Variants in PVALEF observed in about 807,000 individuals in gnomAD.
The protein encoded by PVALEF is parvalbumin like EF-hand containing, also known as parvalbumin-like EF-hand-containing protein.
In PVALEF, 2 loss-of-function variants were observed where a neutral mutation model predicts 1.2. The observed-to-expected ratio is 1.68, with a 90% CI of 0.69 to 5.28. The LOEUF (loss-of-function observed/expected upper bound fraction) is 5.28, where lower values mean the gene tolerates loss of function less well. PVALEF is among the 30% of genes most tolerant of loss of function. The pLI, the probability that PVALEF is intolerant of heterozygous loss-of-function variation, is 0.06. For synonymous variants in PVALEF, 16 were observed against 6.5 expected (o/e 2.47, Z -2.24); for missense variants, 35 against 17.7 (o/e 1.97, Z -1.75).
rs117471411 is a variant in PVALEF at position 81,173,697 on chromosome 17, G to A, written c.-339-5221G>A. ...AGTCTCCCATCAAAGAAAGGCCCAG[G>A]ACCTGATAGTTTCACTGGCGAATGC... On this transcript the variant is annotated intron_variant, in intron 2 of 6. Coordinates refer to ENST00000637878, the MANE Select transcript of PVALEF (RefSeq NM_001354639.2). Among the ~76,000 whole-genome samples, 569 of 152,280 alleles carry A rather than the reference G, an allele frequency of 3.7e-3. 2 individuals carry two copies. The highest frequency in any genetic ancestry group is 6.8e-3 in the Middle Eastern group (2 of 294).
At chr17:81,181,015 C>T in intron 3 of PVALEF, 108 bp from the exon 4 acceptor site, 1 of 525,984 alleles carries the variant, frequency 1.9e-6, no homozygotes, top group Non-Finnish European at 3.4e-6. Flanking sequence ...CCCGCTGACC[C>T]CTCTGCCTGT....
chr17:81,180,120 G>C (rs1361351853), intron 3 of PVALEF, among the ~76,000 whole-genome samples: 1 of 152,156 alleles, frequency 6.6e-6, no homozygotes, highest in African/African-American at 2.4e-5. Context: ...CTCCAGCCCG[G>C]ATCTCGGGCT....
Position 81,183,031 on chromosome 17 carries a change from C to T in PVALEF, c.*20C>T, listed in dbSNP as rs1005784842. On this transcript the variant is annotated 3_prime_UTR_variant, in exon 7 of 7. Coordinates refer to ENST00000637878, the MANE Select transcript of PVALEF (RefSeq NM_001354639.2). ...AAGTAGCACCATGACTAGCCCTGGCCAGCCAAGGGGCTCCCATGGGGTAAC... is the reference window on the plus strand; with the variant it reads ...AAGTAGCACCATGACTAGCCCTGGCTAGCCAAGGGGCTCCCATGGGGTAAC... The T allele has an allele frequency of 7.5e-6, 3 of 398,574 alleles. No homozygotes were observed. The highest frequency in any genetic ancestry group is 6.2e-5 in the African/African-American group (3 of 48,650). The allele number at this position is 398,574 out of a possible 1,614,324, so 24.7% of individuals were successfully genotyped here. A position where few individuals can be genotyped will look rare whatever the true frequency, so the allele number is the denominator to read the frequency against.
At chr17:81,177,921 T>A (rs2061540998) in intron 2 of PVALEF, among the ~76,000 whole-genome samples, 1 of 152,168 alleles carries the variant, frequency 6.6e-6, no homozygotes, top group South Asian at 2.1e-4. Flanking sequence ...TTTGGGAAAG[T>A]GACCTGGCAG....
rs939600704 is a variant in PVALEF at position 81,181,626 on chromosome 17, C to T, written c.174C>T (p.Asp58=). The T allele has an allele frequency of 2.0e-4, 83 of 418,430 alleles. No individual in the cohort carries two copies. The highest frequency in any genetic ancestry group is 7.5e-4 in the African/African-American group (37 of 49,056). The allele number at this position is 418,430 out of a possible 1,614,324, so 25.9% of individuals were successfully genotyped here. A position where few individuals can be genotyped will look rare whatever the true frequency, so the allele number is the denominator to read the frequency against. The part of the protein sequence containing the change: ...RKLHASGQLD[D]AIHTAFQSLD... Reference sequence around the variant, plus strand: ...TCCACGCCTCGGGCCAGCTGGACGACGCCATCCACACGGCCTTCCAGTCCC... The same window carrying T: ...TCCACGCCTCGGGCCAGCTGGACGATGCCATCCACACGGCCTTCCAGTCCC... The change falls in exon 5 of 7, where the codon GAC becomes GAT. Residue 58 remains aspartate, a synonymous_variant. Transcript: ENST00000637878.
chr17:81,172,943 G>C (rs777191013), intron 2 of PVALEF, among the ~76,000 whole-genome samples: 1 of 152,058 alleles, frequency 6.6e-6, no homozygotes, highest in Non-Finnish European at 1.5e-5. Context: ...AAACCCGCAC[G>C]AAGGAAAACC....
At chr17:81,172,729 A>G (rs985328643) in intron 2 of PVALEF, among the ~76,000 whole-genome samples, 2 of 152,100 alleles carry the variant, frequency 1.3e-5, no homozygotes, top group African/African-American at 4.8e-5. Flanking sequence ...GCGACACTGC[A>G]CTCCAGCCTG....
At chr17:81,166,891 C>T in intron 2 of PVALEF, 47 bp downstream of exon 2, 1 of 342,324 alleles carries the variant, frequency 2.9e-6, no homozygotes, top group South Asian at 2.1e-5. Context: ...GCCATCCCTT[C>T]CCCTATGTTT....
chr17:81,181,745 C>T (rs2061554976), intron 5 of PVALEF, 51 bp downstream of exon 5: 2 of 398,934 alleles, frequency 5.0e-6, no homozygotes, highest in African/African-American at 4.1e-5. Flanking sequence ...CCAGACCACG[C>T]CGAATGCCCA....
chr17:81,180,888 G>A (rs1265410904), intron 3 of PVALEF, among the ~76,000 whole-genome samples: 3 of 152,164 alleles, frequency 2.0e-5, no homozygotes, highest in African/African-American at 7.2e-5. Context: ...TTCCCCTTGC[G>A]CTCTGAGATA....
intron 2 of PVALEF, among the ~76,000 whole-genome samples, chr17:81,178,445 C>T (rs2061542616): frequency 6.6e-6 from 1 of 152,194 alleles, no homozygotes; most frequent in Admixed American, 6.5e-5. Flanking sequence ...AGCCAGGGAT[C>T]ACCTTGGCCC....
chr17:81,172,643 C>A (rs2061524477), intron 2 of PVALEF, among the ~76,000 whole-genome samples: 1 of 151,966 alleles, frequency 6.6e-6, no homozygotes, highest in African/African-American at 2.4e-5. Context: ...ACCTGTAATC[C>A]CAGCTACCTG....
chr17:81,180,289 G>A (rs1310521117), intron 3 of PVALEF, among the ~76,000 whole-genome samples: 3 of 152,222 alleles, frequency 2.0e-5, no homozygotes, highest in Non-Finnish European at 4.4e-5. Flanking sequence ...CTGTAAAGGA[G>A]GTGACATTGG....
In PVALEF at chr17:81,165,708, C is replaced by G; in HGVS notation, c.-547C>G. ...TGTGCCCTGGAGGCAGCCACGGAGT[C>G]ACGACCACGCGGGGGACGCCAGCCC... On this transcript the variant is annotated 5_prime_UTR_variant, in exon 1 of 7. Coordinates refer to ENST00000637878, the MANE Select transcript of PVALEF (RefSeq NM_001354639.2). 1.3e-6 allele frequency: 2 copies of G among 1,519,900 alleles called. No individual in the cohort carries two copies. The highest frequency in any genetic ancestry group is 1.8e-6 in the Non-Finnish European group (2 of 1,136,216). 94.2% of individuals were successfully genotyped at this position (1,519,900 alleles called of 1,614,324 possible).
At chr17:81,177,098 C>T (rs531187922) in intron 2 of PVALEF, among the ~76,000 whole-genome samples, 3 of 151,464 alleles carry the variant, frequency 2.0e-5, no homozygotes, top group African/African-American at 4.8e-5. Flanking sequence ...GGCTAATTTC[C>T]GTATTTTTAG....
intron 1 of PVALEF, among the ~76,000 whole-genome samples, chr17:81,166,268 G>A (rs1373877479): frequency 1.5e-4 from 19 of 125,692 alleles, no homozygotes; most frequent in African/African-American, 5.6e-4. Context: ...GGGAGGGGGG[G>A]GCCCTCCGCG....
At chr17:81,169,530 G>A (rs1314492575) in intron 2 of PVALEF, among the ~76,000 whole-genome samples, 3 of 152,150 alleles carry the variant, frequency 2.0e-5, no homozygotes, top group Admixed American at 6.5e-5. Flanking sequence ...ACCAGAAGGC[G>A]GAACTTGCAG....
Position 81,182,044 on chromosome 17 carries a change from G to T in PVALEF, c.321G>T (p.Ala107=). Residue 107 remains alanine (A), a synonymous_variant, in exon 6 of 7, where the codon GCG becomes GCT. Coordinates refer to ENST00000637878, the MANE Select transcript of PVALEF (RefSeq NM_001354639.2). ...TDEEAEAMIQ[A]ADTHGDGRIN... ...AGGAGGCCGAGGCCATGATCCAGGC[G>T]GCAGACACACACGGGGACGGGAGGA... is the stretch of plus-strand genomic sequence containing the variant. 2.5e-6 allele frequency: 1 copy of T among 398,790 alleles called. No individual in the cohort carries two copies. Among genetic ancestry groups the T allele is most frequent in the Non-Finnish European group, 4.4e-6 (1 of 226,194 alleles). 24.7% of individuals were successfully genotyped at this position (398,790 alleles called of 1,614,324 possible). A position where few individuals can be genotyped will look rare whatever the true frequency, so the allele number is the denominator to read the frequency against.
intron 2 of PVALEF, among the ~76,000 whole-genome samples, chr17:81,175,897 C>G (rs2061534550): frequency 6.6e-6 from 1 of 152,108 alleles, no homozygotes; most frequent in African/African-American, 2.4e-5. Flanking sequence ...AGCAAAGGCA[C>G]AGGCAACAGA....
Sources: gnomAD v4.1 joint callset for allele counts (sites outside exome capture counted in the v4.1 genomes callset) on GRCh38, gnomAD v4.1.1 for gene constraint, MANE v1.5 for transcripts, NCBI Gene and HGNC (gene_info 2026-07-23, HGNC 2026-07-21) for gene names.